Variants in LRRTM4 observed in about 807,000 individuals in gnomAD.
The protein encoded by LRRTM4 is leucine-rich repeat transmembrane neuronal protein 4.
A neutral mutation model predicts 47.6 loss-of-function variants in LRRTM4; 25 were observed. That is an observed-to-expected ratio of 0.53 (90% CI 0.38 to 0.73). The LOEUF is 0.73. Among genes scored for constraint, LRRTM4 ranks in the 30% least tolerant of loss-of-function variants. The pLI is 0.00. For synonymous variants in LRRTM4, 311 were observed against 269.5 expected (o/e 1.15, Z -1.51); for missense variants, 638 against 713.4 (o/e 0.89, Z 1.20).
intron 3 of LRRTM4, among the ~76,000 whole-genome samples, chr2:77,263,269 T>C (rs767177618): frequency 2.6e-4 from 39 of 152,122 alleles, no homozygotes; most frequent in Non-Finnish European, 4.9e-4. Context: ...ATCTCTCCCA[T>C]CTGGCTGTTC....
chr2:77,278,798 T>A (rs1262513995), intron 3 of LRRTM4, among the ~76,000 whole-genome samples: 1 of 151,984 alleles, frequency 6.6e-6, no homozygotes, highest in African/African-American at 2.4e-5. Context: ...CTTTCTGACT[T>A]GTTATCCTTT....
At chr2:77,318,127 C>T (rs1357150448) in intron 3 of LRRTM4, among the ~76,000 whole-genome samples, 5 of 151,418 alleles carry the variant, frequency 3.3e-5, no homozygotes, top group African/African-American at 7.3e-5. Flanking sequence ...CTGCCTCAGC[C>T]TCCCGAGTAG....
intron 3 of LRRTM4, among the ~76,000 whole-genome samples, chr2:77,293,540 C>T (rs1039404723): frequency 6.6e-6 from 1 of 152,092 alleles, no homozygotes; most frequent in Non-Finnish European, 1.5e-5. Context: ...GATCAACACA[C>T]AAATAAGCTA....
rs533758189 is a variant in LRRTM4, at chr2:77,521,447, CTGTT to C, written c.4+217_4+220del. On this transcript the variant is annotated intron_variant, in intron 2 of 3. Transcript: ENST00000409884. Reference sequence around the variant, plus strand: ...AGTCTTAAAGATATTTCTCTAGAGTCTGTTTAAGTTCGTGTTGTGCATTTATAGA... The same window carrying C: ...AGTCTTAAAGATATTTCTCTAGAGTCTAAGTTCGTGTTGTGCATTTATAGA... 1.3e-3 allele frequency among the ~76,000 whole-genome samples: 194 copies of C among 151,676 alleles called. 2 individuals carry two copies. The highest frequency in any genetic ancestry group is 4.4e-3 in the African/African-American group (184 of 41,384).
chr2:77,265,437 C>G (rs1286927516), intron 3 of LRRTM4, among the ~76,000 whole-genome samples: 2 of 152,102 alleles, frequency 1.3e-5, no homozygotes, highest in Non-Finnish European at 2.9e-5. Flanking sequence ...TTCTCTCACT[C>G]TCTTTCTCTC....
intron 3 of LRRTM4, among the ~76,000 whole-genome samples, chr2:76,956,061 T>C (rs950605572): frequency 8.0e-5 from 12 of 150,058 alleles, no homozygotes; most frequent in African/African-American, 2.9e-4. Context: ...TATTCAACTG[T>C]AGGCTGTCTA....
intron 3 of LRRTM4, among the ~76,000 whole-genome samples, chr2:77,505,571 C>G (rs2104088957): frequency 6.6e-6 from 1 of 151,414 alleles, no homozygotes; most frequent in Non-Finnish European, 1.5e-5. Context: ...AGAAGATTTC[C>G]TCTTAATATG....
chr2:76,837,366 T>G (rs1023926666), intron 3 of LRRTM4, among the ~76,000 whole-genome samples: 7 of 152,184 alleles, frequency 4.6e-5, no homozygotes, highest in African/African-American at 9.6e-5. Context: ...GGGTTTTTTT[T>G]GTCTCTATTT....
chr2:76,851,755 GTTTTT>G (rs34184474), intron 3 of LRRTM4, among the ~76,000 whole-genome samples: 3,550 of 117,728 alleles, frequency 0.03, 130 homozygotes, highest in African/African-American at 0.091. Context: ...ACTTTTATTC[GTTTTT>G]TTTTTTTTTT....
intron 3 of LRRTM4, among the ~76,000 whole-genome samples, chr2:76,983,618 G>A (rs1296470327): frequency 6.6e-6 from 1 of 151,988 alleles, no homozygotes; most frequent in Non-Finnish European, 1.5e-5. Context: ...AGAGTCTCAG[G>A]TGTGTCTTTA....
At chr2:77,058,040 A>G (rs982998314) in intron 3 of LRRTM4, among the ~76,000 whole-genome samples, 1 of 152,166 alleles carries the variant, frequency 6.6e-6, no homozygotes, top group Non-Finnish European at 1.5e-5. Context: ...TCAATATTTT[A>G]GATTTTTCAT....
rs565488365 is a variant in LRRTM4, at chr2:77,484,058, G to T, written c.1551+34260C>A. Reference sequence around the variant, plus strand: ...GTTGTTGTGTTACCATTAGATAAAGGCATAGTGAAGTGCAATTTAGCTGCA... The same window carrying T: ...GTTGTTGTGTTACCATTAGATAAAGTCATAGTGAAGTGCAATTTAGCTGCA... On this transcript the variant is annotated intron_variant, in intron 3 of 3. Coordinates refer to ENST00000409884, the MANE Select transcript of LRRTM4 (RefSeq NM_001134745.3). 3.9e-5 allele frequency among the ~76,000 whole-genome samples: 6 copies of T among 152,280 alleles called. No individual in the cohort carries two copies. In the East Asian group the frequency reaches 1.2e-3, roughly 29 times the overall value.
intron 3 of LRRTM4, among the ~76,000 whole-genome samples, chr2:77,045,610 C>T (rs1183734559): frequency 6.6e-6 from 1 of 151,902 alleles, no homozygotes; most frequent in Non-Finnish European, 1.5e-5. Context: ...GTAAGTCTCA[C>T]AAGATGGTTA....
intron 3 of LRRTM4, among the ~76,000 whole-genome samples, chr2:76,889,663 G>A (rs1673188386): frequency 6.6e-6 from 1 of 151,970 alleles, no homozygotes; most frequent in Non-Finnish European, 1.5e-5. Context: ...GCAAGAAGAA[G>A]GAGGACAAAA....
chr2:77,242,867 T>C (rs564577263), intron 3 of LRRTM4, among the ~76,000 whole-genome samples: 3 of 152,164 alleles, frequency 2.0e-5, no homozygotes, highest in Non-Finnish European at 4.4e-5. Context: ...ATTCCACTTC[T>C]AGGTATATAC....
intron 3 of LRRTM4, among the ~76,000 whole-genome samples, chr2:76,789,578 GTATT>G (rs1674857840): frequency 6.6e-6 from 1 of 152,182 alleles, no homozygotes; most frequent in Non-Finnish European, 1.5e-5. Context: ...ATAATAGGTT[GTATT>G]TGTTTGTTTG....
intron 3 of LRRTM4, among the ~76,000 whole-genome samples, chr2:77,052,323 C>A (rs1434780102): frequency 6.6e-6 from 1 of 151,766 alleles, no homozygotes; most frequent in East Asian, 1.9e-4. Context: ...CATCTGCCAC[C>A]ACGCCTGGCT....
chr2:76,971,533 A>C lies in LRRTM4; in HGVS notation c.1552-222617T>G, dbSNP rs145164663. On this transcript the variant is annotated intron_variant, in intron 3 of 3. Transcript: ENST00000409884. ...GCATCAGGGGTGTCTGTCTCACAGG[A>C]TAATGGCAGGGCTCCAGACTCAAGT... Among the ~76,000 whole-genome samples, 656 of 152,150 alleles carry C rather than the reference A, an allele frequency of 4.3e-3. 24 individuals carry two copies. In the South Asian group the frequency reaches 0.067, roughly 16 times the overall value.
At chr2:77,521,492 T>C (rs898622997) in intron 2 of LRRTM4, among the ~76,000 whole-genome samples, 176 bp downstream of exon 2, 1 of 151,478 alleles carries the variant, frequency 6.6e-6, no homozygotes, top group African/African-American at 2.4e-5. Context: ...AAAAAAACAC[T>C]GCAAAAAGGA....
Sources: gnomAD v4.1 joint callset for allele counts (sites outside exome capture counted in the v4.1 genomes callset) on GRCh38, gnomAD v4.1.1 for gene constraint, MANE v1.5 for transcripts, NCBI Gene and HGNC (gene_info 2026-07-23, HGNC 2026-07-21) for gene names.